The following AGAP1 variants were observed in gnomAD, a reference collection of about 807,000 sequenced individuals.
AGAP1 encodes arf-GAP with GTPase, ANK repeat and PH domain-containing protein 1.
A neutral mutation model predicts 105.3 loss-of-function variants in AGAP1; 29 were observed. The ratio of observed to expected loss-of-function variants is 0.28; its 90% CI spans 0.21 to 0.38. The LOEUF (loss-of-function observed/expected upper bound fraction) is 0.38. AGAP1 is among the 10% of genes least tolerant of loss of function. The probability of loss-of-function intolerance (pLI) is 1.00; values close to 1 mark genes in which losing one functional copy is unlikely to be tolerated. For synonymous variants in AGAP1, 509 were observed against 485.9 expected (o/e 1.05, Z -0.63); for missense variants, 998 against 1,165.1 (o/e 0.86, Z 2.09).
chr2:235,578,230 G>A lies in AGAP1; in HGVS notation c.163+83381G>A, dbSNP rs902849636. On this transcript the variant is annotated intron_variant, in intron 1 of 17. Transcript: ENST00000304032. This position sits in a 1 kb window ranked among gnomAD's most constrained non-coding sequence, Gnocchi z 4.9. ...ACTGCCACTGTCAGAGCCAGCCTGA[G>A]CTCCACGGTGCCCGTCTCCTACCTG... Among the ~76,000 whole-genome samples the A allele has an allele frequency of 6.6e-6, 1 of 152,136 alleles. No homozygotes were observed. The highest frequency in any genetic ancestry group is 2.4e-5 in the African/African-American group (1 of 41,424).
At chr2:235,718,013 T>C (rs1400926164) in intron 3 of AGAP1, among the ~76,000 whole-genome samples, 2 of 152,238 alleles carry the variant, frequency 1.3e-5, no homozygotes, top group East Asian at 1.9e-4. Flanking sequence ...TTGTATGTAA[T>C]GTTACTTAGT....
At chr2:235,776,211 TAATG>T (rs1559472207) in intron 6 of AGAP1, among the ~76,000 whole-genome samples, 1 of 152,150 alleles carries the variant, frequency 6.6e-6, no homozygotes, top group Non-Finnish European at 1.5e-5. Context: ...CAGTGTGGCT[TAATG>T]AATGAGAGTG....
intron 1 of AGAP1, among the ~76,000 whole-genome samples, chr2:235,516,458 C>G (rs1330288356): frequency 6.6e-6 from 1 of 152,138 alleles, no homozygotes; most frequent in Non-Finnish European, 1.5e-5. Flanking sequence ...CAAGTGAAGT[C>G]TGGTGCAGCT....
rs1947450953 is a variant in AGAP1 at position 235,648,046 on chromosome 2, G to C, written c.164-61133G>C. 2.0e-5 allele frequency among the ~76,000 whole-genome samples: 3 copies of C among 152,210 alleles called. No homozygotes were observed. The South Asian group carries it at 6.2e-4, about 31-fold the overall frequency. ...CCTTCCAACCCCCAAGTTATTCTTAGAAAGCTGCACACAAGCCAGGCAGCT... is the reference window on the plus strand; with the variant it reads ...CCTTCCAACCCCCAAGTTATTCTTACAAAGCTGCACACAAGCCAGGCAGCT... On this transcript the variant is annotated intron_variant, in intron 1 of 17. Coordinates refer to ENST00000304032, the MANE Select transcript of AGAP1 (RefSeq NM_001037131.3).
At chr2:235,838,281 C>T (rs1960402110) in intron 9 of AGAP1, among the ~76,000 whole-genome samples, 1 of 151,986 alleles carries the variant, frequency 6.6e-6, no homozygotes, top group African/African-American at 2.4e-5. Flanking sequence ...AGCCATCTCA[C>T]AAATGTAAGT....
chr2:235,890,205 G>C (rs2050470420), intron 10 of AGAP1, among the ~76,000 whole-genome samples: 1 of 142,928 alleles, frequency 7.0e-6, no homozygotes, highest in Admixed American at 7.2e-5. Flanking sequence ...CTGTCCCCCA[G>C]GCTAGAGTGC....
At chr2:235,852,620 T>G in intron 9 of AGAP1, 1 of 1,316,422 alleles carries the variant, frequency 7.6e-7, no homozygotes, top group Non-Finnish European at 9.9e-7. Flanking sequence ...TTATAATTAA[T>G]TAGCCATAAC....
chr2:235,590,680 T>TGTGTGTGC (rs1553574141), intron 1 of AGAP1, among the ~76,000 whole-genome samples: 1,766 of 116,514 alleles, frequency 0.015, 47 homozygotes, highest in African/African-American at 0.057. Flanking sequence ...TGTGTGTGTG[T>TGTGTGTGC]GTGTGCGTGT....
chr2:235,560,053 G>T (rs1188146526), intron 1 of AGAP1, among the ~76,000 whole-genome samples: 1 of 151,930 alleles, frequency 6.6e-6, no homozygotes, highest in Non-Finnish European at 1.5e-5. Flanking sequence ...TTAAGAAATC[G>T]CTGCCTAATC....
rs1373061521 is a variant in AGAP1, at chr2:235,635,808, T to C, written c.164-73371T>C. ...TCTGAGTAGGACAAATGTTTTCCTT[T>C]CCGTGCTTTAAAAGTCTCATCTTAG... On this transcript the variant is annotated intron_variant, in intron 1 of 17. Transcript: ENST00000304032. This position sits in a 1 kb window ranked among gnomAD's most constrained non-coding sequence, Gnocchi z 5.3. Among the ~76,000 whole-genome samples the C allele has an allele frequency of 6.6e-6, 1 of 152,136 alleles. No individual in the cohort carries two copies. Among genetic ancestry groups the C allele is most frequent in the Non-Finnish European group, 1.5e-5 (1 of 68,030 alleles).
Position 235,640,914 on chromosome 2 carries a change from C to T in AGAP1, c.164-68265C>T, listed in dbSNP as rs574352971. ...GACTGCTTTCACTCATTTAGGTGGG[C>T]TGGCAAGCAGTGCTGGCTGCTCCAC... On this transcript the variant is annotated intron_variant, in intron 1 of 17. Coordinates refer to ENST00000304032, the MANE Select transcript of AGAP1 (RefSeq NM_001037131.3). Among the ~76,000 whole-genome samples the T allele has an allele frequency of 2.6e-4, 40 of 152,302 alleles. No individual in the cohort carries two copies. In the South Asian group the frequency reaches 3.3e-3, roughly 13 times the overall value.
In AGAP1 at chr2:235,551,418, A is replaced by G. The variant is rs1407878522; in HGVS notation, c.163+56569A>G. On this transcript the variant is annotated intron_variant, in intron 1 of 17. Transcript: ENST00000304032. The surrounding 1 kb of genome is among the most constrained non-coding windows in gnomAD (Gnocchi z 4.8). ...CTCCCCAGGCTCAGGTCGTCCTCCC[A>G]GCTCAGCCTCCCAAGTAGCTGGGAC... 1.3e-5 allele frequency among the ~76,000 whole-genome samples: 2 copies of G among 151,798 alleles called. No individual in the cohort carries two copies. Among genetic ancestry groups the G allele is most frequent in the East Asian group, 3.9e-4 (2 of 5,110 alleles).
chr2:235,757,704 G>A (rs1413517366), intron 6 of AGAP1, among the ~76,000 whole-genome samples: 1 of 152,168 alleles, frequency 6.6e-6, no homozygotes, highest in Non-Finnish European at 1.5e-5. Context: ...TTTTACCAAG[G>A]TTGTGCGGGA....
At chr2:236,115,597 G>A (rs2125955940) in intron 16 of AGAP1, among the ~76,000 whole-genome samples, 1 of 152,282 alleles carries the variant, frequency 6.6e-6, no homozygotes, top group African/African-American at 2.4e-5. Flanking sequence ...ACATGCATTA[G>A]TTTGCTGAAG....
rs781445125 is a variant in AGAP1 at position 235,593,855 on chromosome 2, GC to G, written c.163+99007del. Among the ~76,000 whole-genome samples the G allele has an allele frequency of 3.9e-5, 6 of 152,108 alleles. No homozygotes were observed. The East Asian group carries it at 7.7e-4, about 20-fold the overall frequency. On this transcript the variant is annotated intron_variant, in intron 1 of 17. Transcript: ENST00000304032. ...ATGATGGTGAGCATCTGTAGTCCCA[GC>G]TGCTTGGGAGGCTGAGGTAGGAGGA...
chr2:235,862,566 A>T (rs2048973251), intron 9 of AGAP1, among the ~76,000 whole-genome samples: 1 of 152,256 alleles, frequency 6.6e-6, no homozygotes, highest in African/African-American at 2.4e-5. Flanking sequence ...GGGGTAGGGC[A>T]GTGCAAACTG....
chr2:235,497,418 C>T (rs181252427), intron 1 of AGAP1, among the ~76,000 whole-genome samples: 1 of 152,312 alleles, frequency 6.6e-6, no homozygotes, highest in Non-Finnish European at 1.5e-5. Flanking sequence ...TAACTGTTTC[C>T]AATCAGGACA....
rs2058968530 is a variant in AGAP1 at position 236,087,709 on chromosome 2, G to A, written c.2115-32483G>A. Among the ~76,000 whole-genome samples, 1 of 152,214 alleles carries A rather than the reference G, an allele frequency of 6.6e-6. No homozygotes were observed. The highest frequency in any genetic ancestry group is 1.5e-5 in the Non-Finnish European group (1 of 68,044). Reference sequence around the variant, plus strand: ...ATAAGCCATGTAAGTGGCCTTATTGGTTAAGTGACAACCGGGGACATACCC... The same window carrying A: ...ATAAGCCATGTAAGTGGCCTTATTGATTAAGTGACAACCGGGGACATACCC... On this transcript the variant is annotated intron_variant, in intron 16 of 17. Transcript: ENST00000304032. This position sits in a 1 kb window ranked among gnomAD's most constrained non-coding sequence, Gnocchi z 5.7.
chr2:235,894,996 A>AGCCTCG (rs778161979), intron 10 of AGAP1, among the ~76,000 whole-genome samples: 5 of 152,192 alleles, frequency 3.3e-5, no homozygotes, highest in Admixed American at 2.0e-4. Flanking sequence ...CTCCACCCAC[A>AGCCTCG]GCCTCGGCCT....
Sources: allele counts gnomAD v4.1 joint callset (sites outside exome capture counted in the v4.1 genomes callset), GRCh38; gene constraint gnomAD v4.1.1; non-coding constraint Gnocchi (gnomAD v3.1); transcripts MANE v1.5; gene names NCBI Gene and HGNC (gene_info 2026-07-23, HGNC 2026-07-21).